Variants in VWA3B observed in about 807,000 individuals in gnomAD.
VWA3B encodes the protein von Willebrand factor A domain-containing protein 3B.
In VWA3B, 138 loss-of-function variants were observed where a neutral mutation model predicts 158.3. That is an observed-to-expected ratio of 0.87 (90% CI 0.76 to 1.00). VWA3B has a LOEUF of 1.00. Among genes scored for constraint, VWA3B ranks in the 50% least tolerant of loss-of-function variants. The probability of loss-of-function intolerance (pLI) is 0.00; values close to 1 mark genes in which losing one functional copy is unlikely to be tolerated. For synonymous variants in VWA3B, 596 were observed against 587.3 expected (o/e 1.01, Z -0.21); for missense variants, 1,555 against 1,565.1 (o/e 0.99, Z 0.11).
chr2:98,133,479 T>C (rs1463517832), intron 6 of VWA3B, among the ~76,000 whole-genome samples: 1 of 152,186 alleles, frequency 6.6e-6, no homozygotes, highest in East Asian at 1.9e-4. Flanking sequence ...CTGGCTTGGC[T>C]AAGCTGTGTT....
chr2:98,199,031 G>A (rs1021554430), intron 12 of VWA3B, among the ~76,000 whole-genome samples: 4 of 151,138 alleles, frequency 2.6e-5, no homozygotes, highest in Non-Finnish European at 5.9e-5. Context: ...AGCTTCCAGT[G>A]AGCCGAGATG....
chr2:98,188,812 T>G lies in VWA3B; in HGVS notation c.1466+683T>G, dbSNP rs1018461370. 2.6e-3 allele frequency among the ~76,000 whole-genome samples: 391 copies of G among 151,998 alleles called. 1 individual carries two copies. The highest frequency in any genetic ancestry group is 8.0e-3 in the African/African-American group (330 of 41,470). On this transcript the variant is annotated intron_variant, in intron 10 of 27. Coordinates refer to ENST00000477737, the MANE Select transcript of VWA3B (RefSeq NM_144992.5). ...GCTGATAGCCTTGTTAAAAAAAAGGTGGGGGTTGTTTGGATTCAGATCCCA... is the reference window on the plus strand; with the variant it reads ...GCTGATAGCCTTGTTAAAAAAAAGGGGGGGGTTGTTTGGATTCAGATCCCA...
chr2:98,174,585 G>T lies in VWA3B; in HGVS notation c.1115-6431G>T, dbSNP rs115159151. On this transcript the variant is annotated intron_variant, in intron 8 of 27. Transcript: ENST00000477737. ...TGTAGATAACAGTCAGGACAAACAA[G>T]AGGTAAACCAAAACACTTAAGATGA... Among the ~76,000 whole-genome samples the T allele has an allele frequency of 1.9e-3, 285 of 152,328 alleles. 1 individual carries two copies. The highest frequency in any genetic ancestry group is 0.01 in the Middle Eastern group (3 of 294).
At chr2:98,323,766 G>A in the VWA3B span, among the ~76,000 whole-genome samples, 1 of 152,116 alleles carries the variant, frequency 6.6e-6, no homozygotes, top group East Asian at 1.9e-4. Context: ...ATATTGGAAT[G>A]GCATAGTGCA....
intron 10 of VWA3B, among the ~76,000 whole-genome samples, chr2:98,189,000 G>A (rs1297545128): frequency 1.3e-5 from 2 of 152,116 alleles, no homozygotes; most frequent in African/African-American, 4.8e-5. Flanking sequence ...CCTTTCTTCT[G>A]TACTCTTTAG....
At chr2:98,134,132 A>G (rs1676079782) in intron 7 of VWA3B, 193 bp downstream of exon 7, 1 of 606,816 alleles carries the variant, frequency 1.6e-6, no homozygotes, top group African/African-American at 1.8e-5. Flanking sequence ...TAAGTTTACA[A>G]TCCAGGGAAA....
intron 8 of VWA3B, among the ~76,000 whole-genome samples, chr2:98,164,037 G>C (rs959474506): frequency 6.6e-6 from 1 of 152,184 alleles, no homozygotes; most frequent in Non-Finnish European, 1.5e-5. Context: ...GAGCAGGAGA[G>C]CTCAGTGATC....
downstream of VWA3B, among the ~76,000 whole-genome samples, chr2:98,315,871 A>G (rs568027938): frequency 6.6e-6 from 1 of 152,386 alleles, no homozygotes; most frequent in African/African-American, 2.4e-5. Context: ...TAAATTTAAT[A>G]CACAGAAATC....
chr2:98,179,888 CTCTCTT>C (rs1382329791), intron 8 of VWA3B, among the ~76,000 whole-genome samples: 1 of 140,970 alleles, frequency 7.1e-6, no homozygotes, highest in Non-Finnish European at 1.5e-5. Flanking sequence ...CCCTCCCTCT[CTCTCTT>C]TCTTTCTCTT....
At chr2:98,294,943 G>A (rs1689713874) in intron 23 of VWA3B, among the ~76,000 whole-genome samples, 1 of 152,164 alleles carries the variant, frequency 6.6e-6, no homozygotes. Context: ...ATGCGATGAC[G>A]TACAGCCCTT....
chr2:98,088,001 C>T (rs1429645593), intron 1 of VWA3B, among the ~76,000 whole-genome samples: 2 of 152,062 alleles, frequency 1.3e-5, no homozygotes, highest in African/African-American at 4.8e-5. Context: ...TGGGACAGTC[C>T]GTTTCAATAT....
intron 22 of VWA3B, among the ~76,000 whole-genome samples, chr2:98,288,152 T>C (rs943002237): frequency 1.3e-5 from 2 of 152,194 alleles, no homozygotes; most frequent in African/African-American, 4.8e-5. Flanking sequence ...ACCTTGAGAA[T>C]TGGTCATATT....
Position 98,162,986 on chromosome 2 carries a change from AT to A in VWA3B, c.1114+13del. 6.2e-7 allele frequency: 1 copy of A among 1,613,788 alleles called. No homozygotes were observed. The highest frequency in any genetic ancestry group is 8.5e-7 in the Non-Finnish European group (1 of 1,179,862). On this transcript the variant is annotated intron_variant, in intron 8 of 27. Transcript: ENST00000477737. ...GCCACTGTGGACTGCGGTTGGTGCT[AT>A]TTCTGGTCACTGGTGTAAAAGATTC... is the stretch of plus-strand genomic sequence containing the variant.
rs907853832 is a variant in VWA3B at position 98,090,743 on chromosome 2, CT to C, written c.-32-2305del. ...TAAACCTTGAAATGGAAATTATTAT[CT>C]TTTTTTTTTTTTGAGACTGAGTCTC... On this transcript the variant is annotated intron_variant, in intron 1 of 27. Transcript: ENST00000477737. Among the ~76,000 whole-genome samples, 322 of 145,946 alleles carry C rather than the reference CT, an allele frequency of 2.2e-3. 1 individual carries two copies. The highest frequency in any genetic ancestry group is 1.4e-3 in the Admixed American group (20 of 14,624).
chr2:98,128,371 G>C lies in VWA3B; in HGVS notation c.835G>C (p.Ala279Pro), dbSNP rs776628223. Residue 279 changes from alanine (A) to proline (P), a missense_variant, in exon 6 of 28, where the codon GCT becomes CCT. By Grantham distance (27) the Ala-to-Pro change is conservative (BLOSUM62 -1). Transcript: ENST00000477737. ...SFNARGEGTI[A>P]FLKDLSAKTH... The stretch of plus-strand genomic sequence containing the variant: ...CAACGCCAGAGGAGAAGGCACTATA[G>C]CTTTTCTAAAGGATCTGAGTGCCAA... The C allele has an allele frequency of 7.4e-6, 12 of 1,613,860 alleles. No homozygotes were observed. The Admixed American group carries it at 2.0e-4, about 27-fold the overall frequency.
the VWA3B span, among the ~76,000 whole-genome samples, chr2:98,318,615 C>T: frequency 6.6e-6 from 1 of 152,130 alleles, no homozygotes. Context: ...GAAAAAATAA[C>T]TAATGGATAC....
chr2:98,128,514 G>A, intron 6 of VWA3B, 106 bp downstream of exon 6: 1 of 1,144,414 alleles, frequency 8.7e-7, no homozygotes, highest in Non-Finnish European at 1.2e-6. Flanking sequence ...CTGTTGCTGT[G>A]TTCTCCTCTT....
At position 98,300,221 on chromosome 2, in the gene VWA3B, G is replaced by C. The variant is rs1046485457; in HGVS notation, c.3420+5G>C. On this transcript the variant is annotated splice_donor_5th_base_variant and intron_variant, in intron 25 of 27. Transcript: ENST00000477737. ...TTGAAGTGTAACAACCGGAGAGTAA[G>C]TAGATTTTCATTTAGAAAAGGACTT... 1.2e-6 allele frequency: 2 copies of C among 1,613,768 alleles called. No individual in the cohort carries two copies. The highest frequency in any genetic ancestry group is 2.7e-5 in the African/African-American group (2 of 74,924).
chr2:98,097,886 G>T (rs984411981), intron 2 of VWA3B, among the ~76,000 whole-genome samples: 1 of 151,878 alleles, frequency 6.6e-6, no homozygotes, highest in Non-Finnish European at 1.5e-5. Context: ...TCATATGTTT[G>T]TTGGCCATTT....
Sources: allele counts gnomAD v4.1 joint callset (sites outside exome capture counted in the v4.1 genomes callset), GRCh38; gene constraint gnomAD v4.1.1; transcripts MANE v1.5; gene names NCBI Gene and HGNC (gene_info 2026-07-23, HGNC 2026-07-21).